TTC23L: variants seen among roughly 807,000 people sequenced by gnomAD.
TTC23L encodes tetratricopeptide repeat domain 23 like.
In TTC23L, 42 loss-of-function variants were observed where a neutral mutation model predicts 48.1. That is an observed-to-expected ratio of 0.87 (90% CI 0.68 to 1.13). TTC23L has a LOEUF of 1.13. Among genes scored for constraint, TTC23L ranks in the 50% most tolerant of loss-of-function variants. The probability of loss-of-function intolerance (pLI) is 0.00; values close to 1 mark genes in which losing one functional copy is unlikely to be tolerated. For missense variants in TTC23L, 391 were observed against 421.0 expected, an observed-to-expected ratio of 0.93 and a Z score of 0.62; for synonymous variants, 159 against 157.2, an observed-to-expected ratio of 1.01 and a Z score of -0.09.
At chr5:34,925,365 C>G in the TTC23L span, 1 of 1,613,946 alleles carries the variant, frequency 6.2e-7, no homozygotes, top group East Asian at 2.2e-5. Context: ...GTAACACCAG[C>G]TGAGGAGAAA....
At chr5:34,885,869 A>G (rs1176988868) in intron 9 of TTC23L, among the ~76,000 whole-genome samples, 2 of 152,212 alleles carry the variant, frequency 1.3e-5, no homozygotes, top group Non-Finnish European at 2.9e-5. Context: ...ACTTTTTAAG[A>G]AGAGAAAAAT....
the TTC23L span, chr5:34,914,061 C>T: frequency 6.6e-6 from 3 of 455,034 alleles, no homozygotes; most frequent in Middle Eastern, 9.8e-4. Flanking sequence ...TTATTTACCT[C>T]TCTATCCCTG....
At chr5:34,914,528 GT>G in the TTC23L span, 2 of 686,700 alleles carry the variant, frequency 2.9e-6, no homozygotes, top group South Asian at 4.2e-5. Flanking sequence ...AAGTAATGAC[GT>G]TTTGTTCTCT....
At chr5:34,908,176 T>TG in the TTC23L span, 1 of 150,988 alleles carries the variant, frequency 6.6e-6, no homozygotes, top group Admixed American at 6.6e-5. Context: ...TTAGACTTTT[T>TG]TTTTTTTTTT....
chr5:34,845,588 A>G (rs759157534), exon 3 of TTC23L: 1 of 1,613,920 alleles, frequency 6.2e-7, no homozygotes, highest in African/African-American at 1.3e-5. Flanking sequence ...AAAGAGAAGG[A>G]GAAGGCCATA....
At chr5:34,893,374 TGTTAA>T (rs1216649030) in intron 9 of TTC23L, among the ~76,000 whole-genome samples, 3 of 152,202 alleles carry the variant, frequency 2.0e-5, no homozygotes, top group Admixed American at 6.5e-5. Flanking sequence ...TGGCAATGGC[TGTTAA>T]GTTGTTGGCT....
chr5:34,907,921 T>A, the TTC23L span: 1 of 152,156 alleles, frequency 6.6e-6, no homozygotes, highest in Non-Finnish European at 1.5e-5. Context: ...TTCCCAAAAT[T>A]TAGCAGGCAT....
chr5:34,908,075 AAACT>A, the TTC23L span: 13 of 152,332 alleles, frequency 8.5e-5, no homozygotes, highest in Admixed American at 3.9e-4. Flanking sequence ...TCTAGAATTC[AAACT>A]AATAAGCAAT....
downstream of TTC23L, among the ~76,000 whole-genome samples, chr5:34,899,784 C>T (rs369826463): frequency 7.2e-5 from 11 of 152,184 alleles, no homozygotes; most frequent in African/African-American, 2.6e-4. Context: ...CCTAGCTACT[C>T]GGGAGGCTGA....
intron 4 of TTC23L, chr5:34,861,337 A>C (rs1760639047): frequency 6.0e-6 from 1 of 166,228 alleles, no homozygotes; most frequent in Non-Finnish European, 1.3e-5. Flanking sequence ...TCCTTGCACA[A>C]TCTGAACTTC....
At chr5:34,856,992 A>G (rs1760189298) in intron 4 of TTC23L, among the ~76,000 whole-genome samples, 2 of 152,232 alleles carry the variant, frequency 1.3e-5, no homozygotes, top group South Asian at 4.1e-4. Flanking sequence ...GCAAAGAGGA[A>G]GGAGCCAGTT....
At chr5:34,923,465 A>G in the TTC23L span, 116 of 494,110 alleles carry the variant, frequency 2.3e-4, no homozygotes, top group African/African-American at 2.1e-3. Context: ...TTTAGTAGAG[A>G]CGGGGTTTCG....
intron 4 of TTC23L, among the ~76,000 whole-genome samples, chr5:34,854,129 G>A (rs1759913500): frequency 6.6e-6 from 1 of 152,184 alleles, no homozygotes; most frequent in Admixed American, 6.5e-5. Context: ...ACAAAACATG[G>A]TGATAAATCC....
At chr5:34,875,903 C>A (rs1363173602) in intron 8 of TTC23L, among the ~76,000 whole-genome samples, 1 of 152,098 alleles carries the variant, frequency 6.6e-6, no homozygotes, top group Non-Finnish European at 1.5e-5. Context: ...TAAAACACAC[C>A]CTAACAAATT....
chr5:34,917,758 G>A, the TTC23L span, among the ~76,000 whole-genome samples: 1 of 152,288 alleles, frequency 6.6e-6, no homozygotes, highest in African/African-American at 2.4e-5. Flanking sequence ...AAGACTCTAA[G>A]TAAGTGCAGT....
At chr5:34,844,657 TG>T (rs2150345626) in intron 2 of TTC23L, among the ~76,000 whole-genome samples, 1 of 152,338 alleles carries the variant, frequency 6.6e-6, no homozygotes, top group Non-Finnish European at 1.5e-5. Context: ...GCTGAACTTT[TG>T]AGTTATTGTG....
chr5:34,874,681 C>T (rs1045305770), intron 8 of TTC23L, among the ~76,000 whole-genome samples: 1 of 151,506 alleles, frequency 6.6e-6, no homozygotes, highest in African/African-American at 2.4e-5. Context: ...TATGATCACA[C>T]CATTGTACTC....
chr5:34,924,081 T>A, the TTC23L span, among the ~76,000 whole-genome samples: 1 of 152,208 alleles, frequency 6.6e-6, no homozygotes, highest in African/African-American at 2.4e-5. Context: ...AAAATGTAAT[T>A]GCTCTAGAAG....
Position 34,853,360 on chromosome 5 carries a change from G to A in TTC23L, c.379+3052G>A, listed in dbSNP as rs1020227503. Among the ~76,000 whole-genome samples the A allele has an allele frequency of 4.6e-5, 7 of 152,012 alleles. No homozygotes were observed. The South Asian group carries it at 6.2e-4, about 14-fold the overall frequency. Reference sequence around the variant, plus strand: ...AGCTTGGTCAACATGGTGAAACCCCGTCTCTACTAAAAATACAAAAATTAG... The same window carrying A: ...AGCTTGGTCAACATGGTGAAACCCCATCTCTACTAAAAATACAAAAATTAG... On this transcript the variant is annotated intron_variant, in intron 4 of 10. Transcript: ENST00000505624.
Sources: allele counts gnomAD v4.1 joint callset (sites outside exome capture counted in the v4.1 genomes callset), GRCh38; gene constraint gnomAD v4.1.1; transcripts MANE v1.5; gene names NCBI Gene and HGNC (gene_info 2026-07-23, HGNC 2026-07-21).